The following PCNX1 variants were observed in gnomAD, a reference collection of about 807,000 sequenced individuals.
The protein encoded by PCNX1 is pecanex 1.
A neutral mutation model predicts 242.2 loss-of-function variants in PCNX1; 78 were observed. The observed-to-expected ratio is 0.32, with a 90% confidence interval of 0.27 to 0.39. The LOEUF is 0.39. PCNX1 is among the 10% of genes least tolerant of loss of function. PCNX1 has a pLI of 1.00. For missense variants in PCNX1, 2,581 were observed against 2,856.5 expected, an observed-to-expected ratio of 0.90 and a Z score of 2.20; for synonymous variants, 1,024 against 1,032.9, an observed-to-expected ratio of 0.99 and a Z score of 0.17.
intron 27 of PCNX1, among the ~76,000 whole-genome samples, chr14:71,074,429 T>C (rs115461699): frequency 1.4e-3 from 212 of 152,298 alleles, no homozygotes; most frequent in African/African-American, 4.9e-3. Context: ...ATTACACTCA[T>C]GTTACTACAG....
At position 71,114,175 on chromosome 14, in the gene PCNX1, C is replaced by T. The variant is rs1360521331; in HGVS notation, c.*4240C>T. 6.6e-6 allele frequency: 1 copy of T among 152,136 alleles called. No homozygotes were observed. Among genetic ancestry groups the T allele is most frequent in the Non-Finnish European group, 1.5e-5 (1 of 68,012 alleles). 9.4% of individuals were successfully genotyped at this position (152,136 alleles called of 1,614,324 possible). On this transcript the variant is annotated 3_prime_UTR_variant, in exon 36 of 36. Transcript: ENST00000304743. ...TGAGGAAGAAAAAAATTAGATACTA[C>T]CATGCATTGGGACAGCATAATTCTA... is the stretch of plus-strand genomic sequence containing the variant.
At chr14:71,003,146 C>T (rs1474870820) in intron 8 of PCNX1, among the ~76,000 whole-genome samples, 2 of 133,562 alleles carry the variant, frequency 1.5e-5, no homozygotes, top group African/African-American at 2.9e-5. Flanking sequence ...TGCAGTGATG[C>T]AATCTCAGCT....
At chr14:70,967,814 T>A (rs571832358) in intron 3 of PCNX1, among the ~76,000 whole-genome samples, 1 of 152,376 alleles carries the variant, frequency 6.6e-6, no homozygotes, top group African/African-American at 2.4e-5. Context: ...CTAAGAAGTC[T>A]AAATTTATTT....
At chr14:71,056,530 G>T (rs777417284) in intron 25 of PCNX1, among the ~76,000 whole-genome samples, 23 of 152,096 alleles carry the variant, frequency 1.5e-4, no homozygotes, top group Non-Finnish European at 3.2e-4. Flanking sequence ...ATTAGACTGG[G>T]TTTAAAATAA....
intron 13 of PCNX1, among the ~76,000 whole-genome samples, chr14:71,025,143 A>G (rs886574911): frequency 1.3e-5 from 2 of 152,320 alleles, no homozygotes; most frequent in African/African-American, 4.8e-5. Flanking sequence ...ATTTATTAAT[A>G]CTATAAGGAA....
At chr14:71,031,999 G>T in intron 16 of PCNX1, 2 of 1,076,048 alleles carry the variant, frequency 1.9e-6, no homozygotes, top group Non-Finnish European at 2.9e-6. Context: ...TGCCAAGAAA[G>T]AATTCAAGAC....
chr14:70,971,585 T>C (rs1032991319), intron 5 of PCNX1, among the ~76,000 whole-genome samples: 11 of 152,224 alleles, frequency 7.2e-5, no homozygotes, highest in Admixed American at 2.0e-4. Flanking sequence ...CACCCTCATG[T>C]GGCTTCTCTA....
chr14:70,934,864 A>G (rs2056938703), intron 1 of PCNX1, among the ~76,000 whole-genome samples: 1 of 152,316 alleles, frequency 6.6e-6, no homozygotes. Flanking sequence ...GTGAATCACA[A>G]TTACAGGAAG....
At position 70,973,173 on chromosome 14, in the gene PCNX1, A is replaced by G. The variant is rs557931502; in HGVS notation, c.605-3769A>G. On this transcript the variant is annotated intron_variant, in intron 5 of 35. Transcript: ENST00000304743. Reference sequence around the variant, plus strand: ...GAGGCTGAGGCAGGAGGATTGCTTGAGCCTAGGAGATCAAGACTGCAGTGA... The same window carrying G: ...GAGGCTGAGGCAGGAGGATTGCTTGGGCCTAGGAGATCAAGACTGCAGTGA... Among the ~76,000 whole-genome samples, 10 of 151,010 alleles carry G rather than the reference A, an allele frequency of 6.6e-5. No individual in the cohort carries two copies. In the South Asian group the frequency reaches 2.1e-3, roughly 32 times the overall value.
At chr14:70,942,241 A>G (rs147747348) in intron 1 of PCNX1, among the ~76,000 whole-genome samples, 2 of 152,274 alleles carry the variant, frequency 1.3e-5, no homozygotes, top group East Asian at 1.9e-4. Context: ...AGCTTTTCCT[A>G]TTCGGCCATC....
rs2055903801 is a variant in PCNX1, at chr14:70,911,445, T to A, written c.153+3442T>A. On this transcript the variant is annotated intron_variant, in intron 1 of 35. Coordinates refer to ENST00000304743, the MANE Select transcript of PCNX1 (RefSeq NM_014982.3). Reference sequence around the variant, plus strand: ...ATCAACTAGTTAAAAATCTTTTAAGTAGTGAAAATGAAGAAAAAATTTTTG... The same window carrying A: ...ATCAACTAGTTAAAAATCTTTTAAGAAGTGAAAATGAAGAAAAAATTTTTG... Among the ~76,000 whole-genome samples, 3 of 152,244 alleles carry A rather than the reference T, an allele frequency of 2.0e-5. No individual in the cohort carries two copies. The South Asian group carries it at 6.2e-4, about 31-fold the overall frequency.
Position 70,941,433 on chromosome 14 carries a change from C to T in PCNX1, c.154-5482C>T, listed in dbSNP as rs923825240. Among the ~76,000 whole-genome samples the T allele has an allele frequency of 2.6e-5, 4 of 152,336 alleles. No homozygotes were observed. In the East Asian group the frequency reaches 5.8e-4, roughly 22 times the overall value. ...TTTGCCTGGATATCACCAGTGGAGG[C>T]TGCAGAACAGCAAATATTGCAGAAT... On this transcript the variant is annotated intron_variant, in intron 1 of 35. Transcript: ENST00000304743.
At position 71,073,887 on chromosome 14, in the gene PCNX1, T is replaced by C. The variant is rs139033148; in HGVS notation, c.5106+89T>C. 8.3e-4 allele frequency: 716 copies of C among 858,852 alleles called. 2 individuals carry two copies. Among genetic ancestry groups the C allele is most frequent in the Non-Finnish European group, 9.2e-4 (571 of 623,968 alleles). The allele number at this position is 858,852 out of a possible 1,614,324, so 53.2% of individuals were successfully genotyped here. ...TAAGTATATATATATGTATATACTT[T>C]TTTTTAACGTATGCTTTGCTTCCAA... On this transcript the variant is annotated intron_variant, in intron 27 of 35. Transcript: ENST00000304743.
At chr14:71,071,366 T>C (rs1489228184) in intron 26 of PCNX1, among the ~76,000 whole-genome samples, 1 of 152,214 alleles carries the variant, frequency 6.6e-6, no homozygotes, top group Non-Finnish European at 1.5e-5. Context: ...GCCTAACTTT[T>C]GGCCCATCCT....
intron 17 of PCNX1, 51 bp downstream of exon 17, chr14:71,033,589 G>A (rs1566726238): frequency 2.0e-6 from 2 of 1,023,426 alleles, no homozygotes; most frequent in African/African-American, 1.6e-5. Context: ...GTAAGTTGGT[G>A]TTTTTTTCAA....
rs1362474278 is a variant in PCNX1 at position 70,907,743 on chromosome 14, G to C, written c.-108G>C. ...CGCCGGCTCGCTCACCCGGAGCTCCGGAGGTGGATAGACGGGGCAGCTGCA... is the reference window on the plus strand; with the variant it reads ...CGCCGGCTCGCTCACCCGGAGCTCCCGAGGTGGATAGACGGGGCAGCTGCA... On this transcript the variant is annotated 5_prime_UTR_variant, in exon 1 of 36. Coordinates refer to ENST00000304743, the MANE Select transcript of PCNX1 (RefSeq NM_014982.3). 1 of 1,155,902 alleles carries C rather than the reference G, an allele frequency of 8.7e-7. No homozygotes were observed. Among genetic ancestry groups the C allele is most frequent in the Non-Finnish European group, 1.1e-6 (1 of 936,266 alleles). 71.6% of individuals were successfully genotyped at this position (1,155,902 alleles called of 1,614,324 possible).
Position 70,910,892 on chromosome 14 carries a change from G to A in PCNX1, c.153+2889G>A, listed in dbSNP as rs557231198. On this transcript the variant is annotated intron_variant, in intron 1 of 35. Transcript: ENST00000304743. ...AAATCTAGCCTGGGGGTAATGAGTT[G>A]TTACTGTTAGAACTGCTAGGAAAGG... Among the ~76,000 whole-genome samples, 110 of 152,266 alleles carry A rather than the reference G, an allele frequency of 7.2e-4. 1 individual carries two copies. Among genetic ancestry groups the A allele is most frequent in the Non-Finnish European group, 1.6e-4 (11 of 68,016 alleles).
chr14:70,978,538 T>C lies in PCNX1; in HGVS notation c.2201T>C (p.Leu734Pro). The C allele has an allele frequency of 6.2e-7, 1 of 1,614,146 alleles. No individual in the cohort carries two copies. Among genetic ancestry groups the C allele is most frequent in the Non-Finnish European group, 8.5e-7 (1 of 1,180,006 alleles). Residue 734 changes from leucine to proline, a missense_variant, in exon 6 of 36, where the codon CTA becomes CCA. Leu to Pro is a moderately conservative substitution (Grantham distance 98). Around this residue, in one of 9 missense-constraint regions of PCNX1, gnomAD observed 1,204 missense variants for 1,216.7 expected, o/e 0.99. Coordinates refer to ENST00000304743, the MANE Select transcript of PCNX1 (RefSeq NM_014982.3). ...EAKEGEVLDE[L>P]SLLGRASQLE... ...AAAGAGGGAGAGGTGCTAGATGAGC[T>C]ATCTTTATTAGGACGGGCTTCCCAG... is the stretch of plus-strand genomic sequence containing the variant.
chr14:70,910,207 GTCCTCCTCCTCCTCCTCCTCCT>G, intron 1 of PCNX1, among the ~76,000 whole-genome samples: 1 of 13,174 alleles, frequency 7.6e-5, no homozygotes, highest in Non-Finnish European at 1.4e-4. Flanking sequence ...CCTCCTCCTC[GTCCTCCTCCTCCTCCTCCTCCT>G]CTCACCAGCA....
Sources: gnomAD v4.1 joint callset for allele counts (sites outside exome capture counted in the v4.1 genomes callset) on GRCh38, gnomAD v4.1.1 for gene constraint, gnomAD v4.1.1 regional missense constraint, MANE v1.5 for transcripts, NCBI Gene and HGNC (gene_info 2026-07-23, HGNC 2026-07-21) for gene names.